The following KCTD3 variants were observed in gnomAD, a reference collection of about 807,000 sequenced individuals.
KCTD3 encodes BTB/POZ domain-containing protein KCTD3.
Under a neutral mutation model 85.8 loss-of-function variants are expected in KCTD3, and 41 were observed. The ratio of observed to expected loss-of-function variants is 0.48; its 90% CI spans 0.37 to 0.62. The LOEUF (loss-of-function observed/expected upper bound fraction) is 0.62. Ranked by LOEUF, KCTD3 falls within the 20% of genes least tolerant of loss-of-function variation. The pLI is 0.00. For missense variants in KCTD3, 724 were observed against 989.9 expected (o/e 0.73, Z 3.60); for synonymous variants, 338 against 345.4 (o/e 0.98, Z 0.24).
chr1:215,568,376 T>G (rs1659227669), intron 1 of KCTD3, among the ~76,000 whole-genome samples: 1 of 151,458 alleles, frequency 6.6e-6, no homozygotes, highest in South Asian at 2.1e-4. Context: ...GTCCAGAAAC[T>G]GCAGTTTGAA....
Position 215,573,782 on chromosome 1 carries a change from G to T in KCTD3, c.84-4G>T. Reference sequence around the variant, plus strand: ...TTATAATACCAGATGATTTTTAATTGCAGATTTAGTACCTCAAGACAAACT... The same window carrying T: ...TTATAATACCAGATGATTTTTAATTTCAGATTTAGTACCTCAAGACAAACT... On this transcript the variant is annotated splice_region_variant and splice_polypyrimidine_tract_variant and intron_variant, in intron 1 of 17. Transcript: ENST00000259154. 6.5e-7 allele frequency: 1 copy of T among 1,550,258 alleles called. No individual in the cohort carries two copies. The highest frequency in any genetic ancestry group is 8.8e-7 in the Non-Finnish European group (1 of 1,134,110).
chr1:215,591,580 C>T (rs1287839961), intron 9 of KCTD3, among the ~76,000 whole-genome samples: 2 of 152,128 alleles, frequency 1.3e-5, no homozygotes, highest in Non-Finnish European at 2.9e-5. Flanking sequence ...TAGTCTCGAT[C>T]TCTTGACCTC....
chr1:215,577,581 C>A, intron 4 of KCTD3, 89 bp from the exon 5 acceptor site: 1 of 799,198 alleles, frequency 1.3e-6, no homozygotes, highest in Non-Finnish European at 2.2e-6. Context: ...TGACTATATA[C>A]ATGAAGAACC....
intron 14 of KCTD3, among the ~76,000 whole-genome samples, chr1:215,609,414 T>C (rs1481410038): frequency 6.6e-6 from 1 of 151,992 alleles, no homozygotes; most frequent in Non-Finnish European, 1.5e-5. Context: ...TAGTAAGACA[T>C]ACTGAGTGAA....
At chr1:215,587,938 C>A (rs1214939415) in intron 9 of KCTD3, among the ~76,000 whole-genome samples, 2 of 152,084 alleles carry the variant, frequency 1.3e-5, no homozygotes, top group African/African-American at 4.8e-5. Context: ...TGATACCTTT[C>A]ATTGTATAAT....
chr1:215,620,054 C>T lies in KCTD3; in HGVS notation c.1887-3C>T, dbSNP rs779386580. 2.6e-6 allele frequency: 4 copies of T among 1,559,540 alleles called. No individual in the cohort carries two copies. Among genetic ancestry groups the T allele is most frequent in the Non-Finnish European group, 1.7e-6 (2 of 1,158,960 alleles). ...ACTGTCATTTTTAAAAACTGTATTT[C>T]AGCCTTCAGCTTCAGCACCATGATA... On this transcript the variant is annotated splice_region_variant and splice_polypyrimidine_tract_variant and intron_variant, in intron 17 of 17. Transcript: ENST00000259154.
At chr1:215,584,920 C>CTTTA (rs1332866969) in intron 8 of KCTD3, among the ~76,000 whole-genome samples, 2 of 152,186 alleles carry the variant, frequency 1.3e-5, no homozygotes, top group Non-Finnish European at 2.9e-5. Flanking sequence ...TAAGAGTATA[C>CTTTA]TTTACTCAGT....
At chr1:215,586,110 A>G (rs1383247694) in intron 8 of KCTD3, among the ~76,000 whole-genome samples, 1 of 152,072 alleles carries the variant, frequency 6.6e-6, no homozygotes, top group East Asian at 1.9e-4. Flanking sequence ...GTTCATACTC[A>G]CAGAAGATGA....
At chr1:215,605,521 A>G (rs1654985378) in intron 13 of KCTD3, among the ~76,000 whole-genome samples, 1 of 152,086 alleles carries the variant, frequency 6.6e-6, no homozygotes, top group Non-Finnish European at 1.5e-5. Context: ...AGTTATTTGA[A>G]TAGTAATTAT....
At chr1:215,571,629 C>CTTT (rs563959943) in intron 1 of KCTD3, among the ~76,000 whole-genome samples, 2 of 141,798 alleles carry the variant, frequency 1.4e-5, no homozygotes, top group African/African-American at 5.2e-5. Flanking sequence ...TGGAGATAAA[C>CTTT]TTTTTTTTTT....
At chr1:215,575,236 A>G (rs1659529406) in intron 3 of KCTD3, among the ~76,000 whole-genome samples, 1 of 152,150 alleles carries the variant, frequency 6.6e-6, no homozygotes, top group Non-Finnish European at 1.5e-5. Context: ...TAGATGAGAG[A>G]GCAGGATGCT....
intron 9 of KCTD3, among the ~76,000 whole-genome samples, chr1:215,588,584 TG>T (rs761513372): frequency 2.0e-5 from 3 of 152,060 alleles, no homozygotes; most frequent in Non-Finnish European, 4.4e-5. Flanking sequence ...TCAGTGTAAA[TG>T]TCAACACAGA....
At chr1:215,591,226 C>T (rs893548583) in intron 9 of KCTD3, among the ~76,000 whole-genome samples, 1 of 152,090 alleles carries the variant, frequency 6.6e-6, no homozygotes, top group Non-Finnish European at 1.5e-5. Context: ...AGCTATCTCC[C>T]GTTACCTCTT....
chr1:215,571,780 C>T (rs1436878314), intron 1 of KCTD3, among the ~76,000 whole-genome samples: 1 of 151,984 alleles, frequency 6.6e-6, no homozygotes, highest in Non-Finnish European at 1.5e-5. Flanking sequence ...TACAGGTGCC[C>T]GCCACCACGC....
chr1:215,588,196 C>T lies in KCTD3; in HGVS notation c.817+1511C>T, dbSNP rs186099938. Among the ~76,000 whole-genome samples, 275 of 152,186 alleles carry T rather than the reference C, an allele frequency of 1.8e-3. 3 individuals are homozygous for T. The highest frequency in any genetic ancestry group is 6.1e-3 in the African/African-American group (255 of 41,526). On this transcript the variant is annotated intron_variant, in intron 9 of 17. Coordinates refer to ENST00000259154, the MANE Select transcript of KCTD3 (RefSeq NM_016121.5). ...ATAGTCATCTCAAATTAAAATGGTA[C>T]TTAATGAACAGAGCAGCTCCTGTAG...
intron 14 of KCTD3, 27 bp downstream of exon 14, chr1:215,608,199 T>G: frequency 6.4e-7 from 1 of 1,566,504 alleles, no homozygotes; most frequent in Admixed American, 1.8e-5. Context: ...TAGGGCATTT[T>G]TAGGTACTAT....
intron 14 of KCTD3, among the ~76,000 whole-genome samples, chr1:215,609,746 TAAAG>T (rs1168878455): frequency 6.6e-6 from 1 of 151,860 alleles, no homozygotes; most frequent in Non-Finnish European, 1.5e-5. Context: ...ATTTACTAAA[TAAAG>T]AAATATAGGA....
rs922037247 is a variant in KCTD3, at chr1:215,610,288, A to C, written c.1466-1537A>C. Reference sequence around the variant, plus strand: ...GGAAGTTCAAAGGTCATATTTTTACACATGATCTTAGCCAAAAGGCCAAGA... The same window carrying C: ...GGAAGTTCAAAGGTCATATTTTTACCCATGATCTTAGCCAAAAGGCCAAGA... On this transcript the variant is annotated intron_variant, in intron 14 of 17. Coordinates refer to ENST00000259154, the MANE Select transcript of KCTD3 (RefSeq NM_016121.5). 3.3e-5 allele frequency among the ~76,000 whole-genome samples: 5 copies of C among 151,966 alleles called. No homozygotes were observed. The East Asian group carries it at 9.7e-4, about 29-fold the overall frequency.
At chr1:215,570,161 T>G (rs1254247432) in intron 1 of KCTD3, among the ~76,000 whole-genome samples, 1 of 151,744 alleles carries the variant, frequency 6.6e-6, no homozygotes, top group Non-Finnish European at 1.5e-5. Flanking sequence ...ATTGAAGTTC[T>G]GAAGTGATAG....
Sources: gnomAD v4.1 joint callset for allele counts (sites outside exome capture counted in the v4.1 genomes callset) on GRCh38, gnomAD v4.1.1 for gene constraint, MANE v1.5 for transcripts, NCBI Gene and HGNC (gene_info 2026-07-23, HGNC 2026-07-21) for gene names.